LINGO2: variants seen among roughly 807,000 people sequenced by gnomAD.
The protein encoded by LINGO2 is leucine rich repeat and Ig domain containing 2, also known as leucine-rich repeat and immunoglobulin-like domain-containing nogo receptor-interacting protein 2.
Under a neutral mutation model 30.6 loss-of-function variants are expected in LINGO2, and 14 were observed. The ratio of observed to expected loss-of-function variants is 0.46; its 90% CI spans 0.30 to 0.72. The LOEUF is 0.72. Ranked by LOEUF, LINGO2 falls within the 30% of genes least tolerant of loss-of-function variation. The pLI, the probability that LINGO2 is intolerant of heterozygous loss-of-function variation, is 0.07. For missense variants in LINGO2, 729 were observed against 751.7 expected (o/e 0.97, Z 0.35); for synonymous variants, 317 against 288.5 (o/e 1.10, Z -1.00).
At chr9:28,881,890 C>T in the LINGO2 span, among the ~76,000 whole-genome samples, 138,800 of 152,316 alleles carry the variant, frequency 0.91, 63,388 homozygotes, top group Non-Finnish European at 0.94. Context: ...CGCTTATAAG[C>T]GAGAACATGC....
chr9:29,136,326 T>C, the LINGO2 span, among the ~76,000 whole-genome samples: 1 of 152,128 alleles, frequency 6.6e-6, no homozygotes, highest in East Asian at 1.9e-4. Context: ...TCTTGGAATC[T>C]CTCTCTAGCT....
At chr9:28,981,574 T>C in the LINGO2 span, among the ~76,000 whole-genome samples, 2 of 152,100 alleles carry the variant, frequency 1.3e-5, no homozygotes, top group Non-Finnish European at 2.9e-5. Flanking sequence ...GACAAACTTA[T>C]CCCGATACCA....
chr9:28,082,939 A>G (rs1477806406), intron 4 of LINGO2, among the ~76,000 whole-genome samples: 1 of 152,082 alleles, frequency 6.6e-6, no homozygotes, highest in Non-Finnish European at 1.5e-5. Context: ...TTAATGACCC[A>G]CACTGATCAT....
the LINGO2 span, among the ~76,000 whole-genome samples, chr9:29,018,470 TA>T: frequency 3.8e-4 from 58 of 152,084 alleles, no homozygotes; most frequent in African/African-American, 1.3e-3. Context: ...TTTGAAATTA[TA>T]AAAAATAATT....
the LINGO2 span, among the ~76,000 whole-genome samples, chr9:29,078,086 A>ATGATT: frequency 6.6e-6 from 1 of 151,994 alleles, no homozygotes; most frequent in African/African-American, 2.4e-5. Flanking sequence ...TACTTAACTG[A>ATGATT]TGATTATTAA....
the LINGO2 span, among the ~76,000 whole-genome samples, chr9:28,937,145 C>A: frequency 6.6e-6 from 1 of 152,050 alleles, no homozygotes; most frequent in Non-Finnish European, 1.5e-5. Flanking sequence ...CATAATCTAC[C>A]CTCTGGTCCC....
chr9:29,126,451 T>C, the LINGO2 span, among the ~76,000 whole-genome samples: 2 of 152,130 alleles, frequency 1.3e-5, no homozygotes, highest in Non-Finnish European at 2.9e-5. Flanking sequence ...AGTAAGCTTT[T>C]TGGGGTACTT....
intron 1 of LINGO2, among the ~76,000 whole-genome samples, chr9:28,612,338 T>C (rs1348226197): frequency 1.3e-5 from 2 of 152,144 alleles, no homozygotes; most frequent in East Asian, 1.9e-4. Flanking sequence ...GCTGGGAATA[T>C]AGGCATCCGC....
chr9:28,039,577 T>TA (rs1350026233), intron 4 of LINGO2, among the ~76,000 whole-genome samples: 1 of 152,134 alleles, frequency 6.6e-6, no homozygotes, highest in South Asian at 2.1e-4. Flanking sequence ...TTCCATTGAG[T>TA]ACATGTAAGT....
At chr9:27,944,803 C>T (rs866573016), downstream of LINGO2, among the ~76,000 whole-genome samples, 3 of 152,148 alleles carry the variant, frequency 2.0e-5, no homozygotes, top group South Asian at 6.2e-4. Context: ...TTACTAGATT[C>T]AGATGCCACA....
chr9:28,756,703 A>C, the LINGO2 span, among the ~76,000 whole-genome samples: 1 of 151,830 alleles, frequency 6.6e-6, no homozygotes, highest in African/African-American at 2.4e-5. Context: ...GTGAGTTCTC[A>C]TGGTTCTGAT....
chr9:29,075,890 A>T, the LINGO2 span, among the ~76,000 whole-genome samples: 2 of 151,958 alleles, frequency 1.3e-5, no homozygotes, highest in African/African-American at 2.4e-5. Flanking sequence ...TATATTCTTT[A>T]TTTTTTTTAT....
At chr9:28,573,385 T>C (rs1823800188) in intron 1 of LINGO2, among the ~76,000 whole-genome samples, 1 of 152,162 alleles carries the variant, frequency 6.6e-6, no homozygotes, top group South Asian at 2.1e-4. Context: ...TCTTAGCAAC[T>C]TTAAATTAAA....
chr9:28,565,258 G>C (rs894861480), intron 1 of LINGO2, among the ~76,000 whole-genome samples: 35 of 152,004 alleles, frequency 2.3e-4, no homozygotes, highest in African/African-American at 7.7e-4. Context: ...CGCCATCTCA[G>C]CTCATTACAA....
chr9:27,939,661 T>C, the LINGO2 span: 1 of 152,358 alleles, frequency 6.6e-6, no homozygotes. Context: ...TGTTTAACTT[T>C]TATGAAATCC....
At chr9:28,744,436 A>G in the LINGO2 span, among the ~76,000 whole-genome samples, 1 of 151,966 alleles carries the variant, frequency 6.6e-6, no homozygotes, top group Non-Finnish European at 1.5e-5. Flanking sequence ...TGTTCAAAAC[A>G]AACTTGCATG....
chr9:29,134,453 AT>A, the LINGO2 span, among the ~76,000 whole-genome samples: 6,224 of 151,758 alleles, frequency 0.041, 194 homozygotes, highest in Admixed American at 0.079. Flanking sequence ...TAACCATGTG[AT>A]TTTTTTTATA....
In LINGO2 at chr9:28,038,502, G is replaced by A. The variant is rs945926224; in HGVS notation, c.-86-26097C>T. The stretch of plus-strand genomic sequence containing the variant: ...AGGTCAGGAGATCGAGACCATCCCG[G>A]CTAAAACGGTGAAACCCAGTCTCTA... On this transcript the variant is annotated intron_variant, in intron 4 of 5. Transcript: ENST00000379992. Among the ~76,000 whole-genome samples the A allele has an allele frequency of 3.3e-5, 5 of 152,134 alleles. No individual in the cohort carries two copies. The East Asian group carries it at 9.7e-4, about 29-fold the overall frequency.
chr9:29,119,473 G>A, the LINGO2 span, among the ~76,000 whole-genome samples: 2 of 149,974 alleles, frequency 1.3e-5, no homozygotes, highest in Admixed American at 6.7e-5. Context: ...GATAATAATA[G>A]ATATTGATAA....
Sources: allele counts gnomAD v4.1 joint callset (sites outside exome capture counted in the v4.1 genomes callset), GRCh38; gene constraint gnomAD v4.1.1; transcripts MANE v1.5; gene names NCBI Gene and HGNC (gene_info 2026-07-23, HGNC 2026-07-21).